Variants in PTGES3L observed in about 807,000 individuals in gnomAD.
The protein encoded by PTGES3L is prostaglandin E synthase 3 like.
PTGES3L carries 17 observed loss-of-function variants against 25.0 expected under a neutral mutation model. The ratio of observed to expected loss-of-function variants is 0.68; its 90% CI spans 0.47 to 1.02. PTGES3L has a LOEUF of 1.02. Ranked by LOEUF, PTGES3L falls within the 50% of genes least tolerant of loss-of-function variation. The pLI is 0.00. For synonymous variants in PTGES3L, 59 were observed against 65.7 expected (o/e 0.90, Z 0.50); for missense variants, 202 against 197.5 (o/e 1.02, Z -0.14).
chr17:42,970,368 AG>A (rs1217625448), intron 5 of PTGES3L, 26 bp from the exon 6 acceptor site: 1 of 1,613,202 alleles, frequency 6.2e-7, no homozygotes. Context: ...AATAATCACA[AG>A]GGAGAAGGGA....
intron 4 of PTGES3L, among the ~76,000 whole-genome samples, chr17:42,972,998 C>T (rs1281614148): frequency 6.7e-5 from 10 of 148,622 alleles, no homozygotes; most frequent in Non-Finnish European, 1.5e-4. Context: ...GTGAGGAGCG[C>T]CTCTGCCCGG....
At chr17:42,973,755 C>A (rs900743111) in intron 4 of PTGES3L, among the ~76,000 whole-genome samples, 2 of 149,310 alleles carry the variant, frequency 1.3e-5, no homozygotes, top group Admixed American at 1.4e-4. Flanking sequence ...GGGTTAAGGG[C>A]GGTGCAAGAT....
Position 42,970,439 on chromosome 17 carries a change from G to T in PTGES3L, c.379-97C>A, listed in dbSNP as rs1420750159. ...TAGAAGAATGGTTGCAGCCAGAACT[G>T]GTCAGGCAACTGCTCCCATCTTTAA... is the stretch of plus-strand genomic sequence containing the variant. On this transcript the variant is annotated intron_variant, in intron 5 of 6. Coordinates refer to ENST00000591916, the MANE Select transcript of PTGES3L (RefSeq NM_001261430.2). 8.0e-6 allele frequency: 11 copies of T among 1,367,630 alleles called. No homozygotes were observed. In the East Asian group the frequency reaches 2.3e-4, roughly 29 times the overall value. 84.7% of individuals were successfully genotyped at this position (1,367,630 alleles called of 1,614,324 possible). A position where few individuals can be genotyped will look rare whatever the true frequency, so the allele number is the denominator to read the frequency against.
Position 42,979,176 on chromosome 17 carries a change from ATCC to A in PTGES3L, c.279_281del (p.Glu93del), listed in dbSNP as rs745307637. On this transcript the variant is annotated inframe_deletion, in exon 4 of 7. Coordinates refer to ENST00000591916, the MANE Select transcript of PTGES3L (RefSeq NM_001261430.2). ...CCACTTTCCACACACCCACCTTGAT[ATCC>A]TCCTTGGTAAGCCGCGGCCAGGCCA... is the stretch of plus-strand genomic sequence containing the variant. 7 of 1,614,118 alleles carry A rather than the reference ATCC, an allele frequency of 4.3e-6. No individual in the cohort carries two copies. The South Asian group carries it at 6.6e-5, about 15-fold the overall frequency.
At position 42,971,488 on chromosome 17, in the gene PTGES3L, C is replaced by A. The variant is rs574673949; in HGVS notation, c.378+119G>T. ...AAAGAATATCAGCATCAATGAGTAA[C>A]CTGCCTAGAGAGCTTGCATATCTCT... On this transcript the variant is annotated intron_variant, in intron 5 of 6. Coordinates refer to ENST00000591916, the MANE Select transcript of PTGES3L (RefSeq NM_001261430.2). The A allele has an allele frequency of 2.1e-5, 21 of 1,022,810 alleles. No individual in the cohort carries two copies. In the South Asian group the frequency reaches 3.0e-4, roughly 15 times the overall value. 63.4% of individuals were successfully genotyped at this position (1,022,810 alleles called of 1,614,324 possible). A position where few individuals can be genotyped will look rare whatever the true frequency, so the allele number is the denominator to read the frequency against.
At chr17:42,974,696 C>T (rs996345858) in intron 4 of PTGES3L, among the ~76,000 whole-genome samples, 3 of 151,432 alleles carry the variant, frequency 2.0e-5, no homozygotes, top group Non-Finnish European at 4.4e-5. Flanking sequence ...TTACTGGAAC[C>T]CGGAAGGTGG....
intron 4 of PTGES3L, among the ~76,000 whole-genome samples, chr17:42,978,699 G>T (rs535041): frequency 0.94 from 142,457 of 152,146 alleles, 67,416 homozygotes; most frequent in South Asian, 1. Context: ...ATGTATCCCA[G>T]AACTTTAAGT....
At chr17:42,970,184 G>T in intron 6 of PTGES3L, 105 bp downstream of exon 6, 3 of 1,363,188 alleles carry the variant, frequency 2.2e-6, no homozygotes, top group Non-Finnish European at 3.1e-6. Flanking sequence ...TGGTTAACAG[G>T]CACTGAGAAC....
At position 42,979,607 on chromosome 17, in the gene PTGES3L, C is replaced by T. The variant is rs770836550; in HGVS notation, c.65G>A (p.Cys22Tyr). The T allele has an allele frequency of 3.6e-5, 58 of 1,614,014 alleles. No homozygotes were observed. Among genetic ancestry groups the T allele is most frequent in the African/African-American group, 9.3e-5 (7 of 74,896 alleles). Residue 22 changes from cysteine to tyrosine, a missense_variant, in exon 2 of 7, where the codon TGT becomes TAT. Transcript: ENST00000591916. ...GTGGACATCGGTGCTGTCCTCAACA[C>T]AAAACTCCATGAACACATACCTGGG... is the stretch of plus-strand genomic sequence containing the variant. ...DRPRYVFMEF[C>Y]VEDSTDVHVL...
At chr17:42,979,103 C>G in intron 4 of PTGES3L, 67 bp downstream of exon 4, 1 of 1,563,740 alleles carries the variant, frequency 6.4e-7, no homozygotes, top group South Asian at 1.1e-5. Flanking sequence ...GGAAAGGAGG[C>G]AAGGACAATC....
chr17:42,975,927 G>A (rs1471094576), intron 4 of PTGES3L, among the ~76,000 whole-genome samples: 2 of 151,602 alleles, frequency 1.3e-5, no homozygotes, highest in African/African-American at 2.4e-5. Context: ...TGCCTGCCTC[G>A]GCCTTCCAAA....
In PTGES3L at chr17:42,969,199, G is replaced by A. The variant is rs1207695288; in HGVS notation, c.433-13C>T. The stretch of plus-strand genomic sequence containing the variant: ...TGTCAGAATCATCCTGGGGGCGGGG[G>A]GGAAAAAAGACAAAGCACCTGTAGA... On this transcript the variant is annotated splice_polypyrimidine_tract_variant and intron_variant, in intron 6 of 6. Transcript: ENST00000591916. 2 of 1,390,062 alleles carry A rather than the reference G, an allele frequency of 1.4e-6. No homozygotes were observed. Among genetic ancestry groups the A allele is most frequent in the South Asian group, 1.3e-5 (1 of 79,318 alleles). 86.1% of individuals were successfully genotyped at this position (1,390,062 alleles called of 1,614,324 possible).
At chr17:42,977,604 CAA>C (rs1271032462) in intron 4 of PTGES3L, among the ~76,000 whole-genome samples, 5 of 52,546 alleles carry the variant, frequency 9.5e-5, no homozygotes, top group Admixed American at 2.3e-4. Context: ...AACTCTGTCT[CAA>C]AAAAAAAAAA....
rs529378931 is a variant in PTGES3L, at chr17:42,977,419, C to CT, written c.288+1750dup. 5.3e-4 allele frequency among the ~76,000 whole-genome samples: 35 copies of CT among 66,182 alleles called. 1 individual carries two copies. The South Asian group carries it at 0.025, about 48-fold the overall frequency. The allele number at this position is 66,182 out of a possible 152,430, so 43.4% of individuals were successfully genotyped here. On this transcript the variant is annotated intron_variant, in intron 4 of 6. Coordinates refer to ENST00000591916, the MANE Select transcript of PTGES3L (RefSeq NM_001261430.2). ...CCAGCCTGGGTGACAGAGTGAGACTCTATCTCAAAAAAAAAAAAATACAAA... is the reference window on the plus strand; with the variant it reads ...CCAGCCTGGGTGACAGAGTGAGACTCTTATCTCAAAAAAAAAAAAATACAAA...
intron 4 of PTGES3L, among the ~76,000 whole-genome samples, chr17:42,975,520 C>T (rs1202126694): frequency 6.6e-6 from 1 of 152,026 alleles, no homozygotes; most frequent in Non-Finnish European, 1.5e-5. Flanking sequence ...TGTAACGGAT[C>T]TCAACCTAAA....
chr17:42,973,986 T>TCAATAAAAA (rs2049906973), intron 4 of PTGES3L, among the ~76,000 whole-genome samples: 1 of 64,656 alleles, frequency 1.5e-5, no homozygotes, highest in Non-Finnish European at 3.3e-5. Context: ...CCAAGAATTA[T>TCAATAAAAA]CAATAAAAAA....
Position 42,979,270 on chromosome 17 carries a change from T to C in PTGES3L, c.190-2A>G. The C allele has an allele frequency of 6.2e-7, 1 of 1,614,170 alleles. No homozygotes were observed. The highest frequency in any genetic ancestry group is 8.5e-7 in the Non-Finnish European group (1 of 1,180,030). ...GGAAGAGCGCTTATCCTGGGAGTCC[T>C]GCCAGATAGAGAGCCTCATTCTTAG... On this transcript the variant is annotated splice_acceptor_variant, in intron 3 of 6. Coordinates refer to ENST00000591916, the MANE Select transcript of PTGES3L (RefSeq NM_001261430.2). LOFTEE classifies it high-confidence loss of function.
chr17:42,976,888 C>G (rs1043236708), intron 4 of PTGES3L, among the ~76,000 whole-genome samples: 8 of 152,284 alleles, frequency 5.3e-5, no homozygotes, highest in Middle Eastern at 6.8e-3. Flanking sequence ...ATGCAACAAA[C>G]TTCTCACTGT....
At chr17:42,974,071 G>A (rs2049910745) in intron 4 of PTGES3L, among the ~76,000 whole-genome samples, 1 of 151,576 alleles carries the variant, frequency 6.6e-6, no homozygotes, top group Admixed American at 6.6e-5. Flanking sequence ...AGACAGACAA[G>A]CTGCAGCCAG....
Sources: gnomAD v4.1 joint callset for allele counts (sites outside exome capture counted in the v4.1 genomes callset) on GRCh38, gnomAD v4.1.1 for gene constraint, MANE v1.5 for transcripts, NCBI Gene and HGNC (gene_info 2026-07-23, HGNC 2026-07-21) for gene names.